The following CLEC17A variants were observed in gnomAD, a reference collection of about 807,000 sequenced individuals.
CLEC17A encodes the protein C-type lectin domain containing 17A, also known as C-type lectin domain family 17, member A.
In CLEC17A, 37 loss-of-function variants were observed where a neutral mutation model predicts 61.3. The ratio of observed to expected loss-of-function variants is 0.60; its 90% CI spans 0.46 to 0.79. CLEC17A has a LOEUF of 0.79. Ranked by LOEUF, CLEC17A falls within the 30% of genes least tolerant of loss-of-function variation. The pLI, the probability that CLEC17A is intolerant of heterozygous loss-of-function variation, is 0.00. For synonymous variants in CLEC17A, 168 were observed against 164.9 expected (o/e 1.02, Z -0.14); for missense variants, 418 against 464.7 (o/e 0.90, Z 0.92).
intron 3 of CLEC17A, among the ~76,000 whole-genome samples, chr19:14,591,208 G>A (rs181910587): frequency 6.0e-5 from 9 of 151,242 alleles, no homozygotes; most frequent in African/African-American, 2.2e-4. Context: ...AGGCTGGAGT[G>A]CAGTGGCGCG....
chr19:14,587,816 G>T, intron 3 of CLEC17A, 125 bp downstream of exon 3: 3 of 1,526,228 alleles, frequency 2.0e-6, no homozygotes, highest in Non-Finnish European at 2.6e-6. Context: ...GGGCACTGTG[G>T]AACCCACACC....
chr19:14,610,956 C>G lies in CLEC17A; in HGVS notation c.*760C>G, dbSNP rs1392424425. 6.6e-6 allele frequency: 1 copy of G among 151,898 alleles called. No homozygotes were observed. The highest frequency in any genetic ancestry group is 2.4e-5 in the African/African-American group (1 of 41,326). The allele number at this position is 151,898 out of a possible 1,614,324, so 9.4% of individuals were successfully genotyped here. ...GGATTACAGGCATGTGTCACCGTAC[C>G]TGGCCGATATTTTTATTTTTATTTT... On this transcript the variant is annotated 3_prime_UTR_variant, in exon 14 of 14. Transcript: ENST00000417570.
intron 13 of CLEC17A, among the ~76,000 whole-genome samples, chr19:14,608,324 T>A (rs2074954312): frequency 6.6e-6 from 1 of 152,214 alleles, no homozygotes; most frequent in African/African-American, 2.4e-5. Context: ...CTAGAGACCC[T>A]GATTGCAGGG....
At chr19:14,587,137 C>G (rs1037461259) in intron 2 of CLEC17A, among the ~76,000 whole-genome samples, 2 of 151,992 alleles carry the variant, frequency 1.3e-5, no homozygotes, top group African/African-American at 4.8e-5. Context: ...AGGCGACCTG[C>G]CAGCCTCAGC....
intron 12 of CLEC17A, among the ~76,000 whole-genome samples, chr19:14,606,712 C>T (rs11666796): frequency 0.11 from 16,412 of 150,872 alleles, 981 homozygotes; most frequent in East Asian, 0.18. Flanking sequence ...ATCCTCACAA[C>T]ACTACCAGGA....
chr19:14,607,063 G>A lies in CLEC17A; in HGVS notation c.965G>A (p.Gly322Glu). The change falls in exon 13 of 14, where the codon GGG becomes GAG. Residue 322 changes from glycine to glutamate, a missense_variant. By Grantham distance (98) the Gly-to-Glu change is moderately conservative. Transcript: ENST00000417570. ...GGGCTGAATGACAGGGCCCAGGAAG[G>A]GGACTGGAGGTGGCTGGATGGGTCT... Reference protein sequence around the residue: ...WLGLNDRAQEGDWRWLDGSPV... With the variant: ...WLGLNDRAQEEDWRWLDGSPV... 1 of 1,347,128 alleles carries A rather than the reference G, an allele frequency of 7.4e-7. No individual in the cohort carries two copies. Among genetic ancestry groups the A allele is most frequent in the Non-Finnish European group, 9.6e-7 (1 of 1,041,950 alleles). The allele number at this position is 1,347,128 out of a possible 1,614,324, so 83.4% of individuals were successfully genotyped here.
chr19:14,596,765 A>C (rs73002873), intron 8 of CLEC17A, 111 bp from the exon 9 acceptor site: 1 of 1,264,666 alleles, frequency 7.9e-7, no homozygotes, highest in African/African-American at 1.5e-5. Context: ...CTGCTGAAAC[A>C]GTCATGACTA....
At chr19:14,600,531 C>T (rs555653412) in intron 12 of CLEC17A, among the ~76,000 whole-genome samples, 1 of 152,150 alleles carries the variant, frequency 6.6e-6, no homozygotes, top group Admixed American at 6.5e-5. Flanking sequence ...ACATGCAATC[C>T]TCACGACAAC....
At chr19:14,592,487 A>G in intron 4 of CLEC17A, 129 bp downstream of exon 4, 4 of 1,513,522 alleles carry the variant, frequency 2.6e-6, no homozygotes, top group Non-Finnish European at 3.6e-6. Context: ...ACTGTGCAAC[A>G]CACACCCTGC....
At chr19:14,607,729 G>T (rs929843195) in intron 13 of CLEC17A, among the ~76,000 whole-genome samples, 1 of 151,286 alleles carries the variant, frequency 6.6e-6, no homozygotes, top group Non-Finnish European at 1.5e-5. Context: ...GACACCCGCC[G>T]TCGTGCCTGG....
At chr19:14,608,709 A>G (rs1271882841) in intron 13 of CLEC17A, among the ~76,000 whole-genome samples, 1 of 149,266 alleles carries the variant, frequency 6.7e-6, no homozygotes, top group African/African-American at 2.5e-5. Flanking sequence ...TCTTGACCCA[A>G]TGCAACCTCT....
chr19:14,601,366 C>T (rs937864128), intron 12 of CLEC17A, among the ~76,000 whole-genome samples: 1 of 152,176 alleles, frequency 6.6e-6, no homozygotes, highest in African/African-American at 2.4e-5. Context: ...ATAAGTCTCA[C>T]CTCCGTGCAA....
At chr19:14,587,109 T>A (rs2074302852) in intron 2 of CLEC17A, among the ~76,000 whole-genome samples, 1 of 151,738 alleles carries the variant, frequency 6.6e-6, no homozygotes, top group Non-Finnish European at 1.5e-5. Flanking sequence ...CCCAGGCTGA[T>A]CTCGAACTCC....
chr19:14,581,802 G>A (rs756015214), upstream of CLEC17A, among the ~76,000 whole-genome samples: 3 of 151,450 alleles, frequency 2.0e-5, no homozygotes, highest in Non-Finnish European at 4.4e-5. Context: ...ACAGGTGCGC[G>A]CCACCATATC....
At chr19:14,587,760 G>T (rs1003287953) in intron 3 of CLEC17A, 69 bp downstream of exon 3, 10 of 1,596,972 alleles carry the variant, frequency 6.3e-6, no homozygotes, top group Non-Finnish European at 7.7e-6. Flanking sequence ...GCATTGGTTG[G>T]GCATTGTAGA....
intron 12 of CLEC17A, among the ~76,000 whole-genome samples, chr19:14,602,378 C>T (rs1400579248): frequency 1.3e-5 from 2 of 152,160 alleles, no homozygotes; most frequent in Non-Finnish European, 2.9e-5. Context: ...CAGCCTTGGC[C>T]TCCTGGGCTC....
intron 4 of CLEC17A, among the ~76,000 whole-genome samples, chr19:14,593,493 T>A (rs1436597578): frequency 6.6e-6 from 1 of 151,968 alleles, no homozygotes; most frequent in African/African-American, 2.4e-5. Context: ...TGAAAACATT[T>A]TTTTTTTCAA....
rs141813079 is a variant in CLEC17A at position 14,591,720 on chromosome 19, G to C, written c.200-561G>C. On this transcript the variant is annotated intron_variant, in intron 3 of 13. Transcript: ENST00000417570. ...AGGCTTGCACCATCATGCCTGGCTA[G>C]TTTTTGTATTTTTGTTAGAGACGGG... Among the ~76,000 whole-genome samples, 237 of 151,862 alleles carry C rather than the reference G, an allele frequency of 1.6e-3. 1 individual carries two copies. Among genetic ancestry groups the C allele is most frequent in the African/African-American group, 5.5e-3 (229 of 41,414 alleles).
chr19:14,583,262 A>G (rs1226117248), intron 1 of CLEC17A, 59 bp downstream of exon 1: 1 of 1,613,304 alleles, frequency 6.2e-7, no homozygotes, highest in African/African-American at 1.3e-5. Context: ...CAGGGTACAG[A>G]ATCCCCACCA....
Sources: allele counts gnomAD v4.1 joint callset (sites outside exome capture counted in the v4.1 genomes callset), GRCh38; gene constraint gnomAD v4.1.1; transcripts MANE v1.5; gene names NCBI Gene and HGNC (gene_info 2026-07-23, HGNC 2026-07-21).